Variants in GLE1 observed in about 807,000 individuals in gnomAD.
GLE1 encodes the protein GLE1 RNA export mediator.
A neutral mutation model predicts 97.3 loss-of-function variants in GLE1; 78 were observed. That is an observed-to-expected ratio of 0.80 (90% CI 0.67 to 0.97). GLE1 has a LOEUF of 0.97. GLE1 is among the 50% of genes least tolerant of loss of function. The probability of loss-of-function intolerance (pLI) is 0.00; values close to 1 mark genes in which losing one functional copy is unlikely to be tolerated. For synonymous variants in GLE1, 302 were observed against 313.4 expected (o/e 0.96, Z 0.39); for missense variants, 753 against 857.5 (o/e 0.88, Z 1.52).
At chr9:128,532,799 T>C (rs1422725769) in intron 9 of GLE1, 10 of 215,398 alleles carry the variant, frequency 4.6e-5, no homozygotes, top group African/African-American at 2.1e-4. Context: ...CTAATCTAAC[T>C]GTAGCTAGTG....
Position 128,541,647 on chromosome 9 carries a change from C to A in GLE1, c.*477C>A. The A allele has an allele frequency of 5.9e-6, 1 of 169,766 alleles. No homozygotes were observed. The highest frequency in any genetic ancestry group is 1.3e-5 in the Non-Finnish European group (1 of 77,816). The allele number at this position is 169,766 out of a possible 1,614,324, so 10.5% of individuals were successfully genotyped here. On this transcript the variant is annotated 3_prime_UTR_variant, in exon 16 of 16. Transcript: ENST00000309971. Reference sequence around the variant, plus strand: ...ATAGTTGAGGCCAGATACTTACATGCAAGTCTGGGTTATGGTTGTTTTGCC... The same window carrying A: ...ATAGTTGAGGCCAGATACTTACATGAAAGTCTGGGTTATGGTTGTTTTGCC...
chr9:128,539,874 T>C, intron 14 of GLE1, 176 bp downstream of exon 14: 2 of 1,503,626 alleles, frequency 1.3e-6, no homozygotes, highest in Non-Finnish European at 1.8e-6. Context: ...CTTTTGAACC[T>C]TAATGAGAGT....
Position 128,532,845 on chromosome 9 carries a change from T to A in GLE1, c.1313-668T>A, listed in dbSNP as rs989646837. 2.6e-5 allele frequency among the ~76,000 whole-genome samples: 4 copies of A among 152,280 alleles called. No individual in the cohort carries two copies. In the South Asian group the frequency reaches 6.2e-4, roughly 24 times the overall value. On this transcript the variant is annotated intron_variant, in intron 9 of 15. Transcript: ENST00000309971. The stretch of plus-strand genomic sequence containing the variant: ...GCACACAAAATCTTTGGTACAAATA[T>A]AGCTGTTACGAATCCACTTCTGTGT...
chr9:128,506,079 C>T (rs896435919), intron 1 of GLE1, among the ~76,000 whole-genome samples: 2 of 152,134 alleles, frequency 1.3e-5, no homozygotes, highest in African/African-American at 4.8e-5. Context: ...GGCGTGGTGG[C>T]TCAGGCCCGT....
chr9:128,510,515 C>T (rs991419393), intron 2 of GLE1, among the ~76,000 whole-genome samples: 1 of 141,628 alleles, frequency 7.1e-6, no homozygotes, highest in Non-Finnish European at 1.5e-5. Context: ...GTGTGAACCA[C>T]CACACCCAGG....
rs1331730707 is a variant in GLE1 at position 128,536,412 on chromosome 9, A to C, written c.1704A>C (p.Lys568Asn). The C allele has an allele frequency of 6.2e-7, 1 of 1,613,820 alleles. No individual in the cohort carries two copies. The highest frequency in any genetic ancestry group is 8.5e-7 in the Non-Finnish European group (1 of 1,179,930). ...SKVEQQDNFL[K>N]RMSGMIRLYA... ...TGGAGCAGCAAGACAACTTTCTAAA[A>C]CGCATGTCAGGGATGATCCGTCTCT... The change falls in exon 12 of 16, where the codon AAA (lysine) becomes AAC (asparagine). Residue 568 changes from lysine (K) to asparagine (N), a missense_variant. Lys to Asn is a moderately conservative substitution (Grantham distance 94). Transcript: ENST00000309971.
At chr9:128,535,355 T>C (rs1847669580) in intron 11 of GLE1, among the ~76,000 whole-genome samples, 2 of 151,546 alleles carry the variant, frequency 1.3e-5, no homozygotes, top group Admixed American at 6.6e-5. Flanking sequence ...AACCCGTTTC[T>C]ACTAAAAATA....
At chr9:128,540,498 A>T (rs1847854159) in intron 15 of GLE1, 160 bp downstream of exon 15, 1 of 670,920 alleles carries the variant, frequency 1.5e-6, no homozygotes, top group Non-Finnish European at 2.7e-6. Flanking sequence ...CTTTGGAGTA[A>T]GGGCTGCCAT....
At chr9:128,540,873 G>A in intron 15 of GLE1, 2 of 561,752 alleles carry the variant, frequency 3.6e-6, no homozygotes, top group Non-Finnish European at 6.4e-6. Flanking sequence ...AGCCTGTAGG[G>A]AGACAAGAGT....
intron 3 of GLE1, among the ~76,000 whole-genome samples, chr9:128,521,294 G>A (rs931255251): frequency 1.3e-5 from 2 of 152,116 alleles, no homozygotes; most frequent in Admixed American, 6.6e-5. Context: ...AGCAGTTTGG[G>A]AGGCCAAAGT....
intron 15 of GLE1, chr9:128,540,567 G>A (rs986157955): frequency 5.4e-6 from 3 of 553,110 alleles, no homozygotes; most frequent in East Asian, 3.1e-5. Flanking sequence ...ATGCTGAGAT[G>A]AGTAAAATAT....
intron 11 of GLE1, 42 bp from the exon 12 acceptor site, chr9:128,536,313 C>A (rs778472219): frequency 1.9e-6 from 3 of 1,580,190 alleles, no homozygotes; most frequent in Non-Finnish European, 2.6e-6. Flanking sequence ...GGATTACAAG[C>A]GTGAGCCACC....
chr9:128,522,379 G>A (rs533725212), intron 3 of GLE1, among the ~76,000 whole-genome samples: 3 of 152,266 alleles, frequency 2.0e-5, no homozygotes, highest in Admixed American at 6.5e-5. Context: ...ATTTTCGGCC[G>A]GGCGAGGTGG....
At chr9:128,520,370 GTATATATGTA>G (rs1239487477) in intron 3 of GLE1, among the ~76,000 whole-genome samples, 4 of 147,720 alleles carry the variant, frequency 2.7e-5, no homozygotes, top group Admixed American at 1.4e-4. Flanking sequence ...GTGTATATAT[GTATATATGTA>G]TATGTGTATA....
intron 2 of GLE1, among the ~76,000 whole-genome samples, chr9:128,511,120 C>G (rs1309143453): frequency 6.6e-6 from 1 of 151,394 alleles, no homozygotes; most frequent in Non-Finnish European, 1.5e-5. Context: ...ACTAGAATTG[C>G]TTGAACCCGG....
At chr9:128,538,240 G>A in intron 13 of GLE1, 150 bp downstream of exon 13, 1 of 682,434 alleles carries the variant, frequency 1.5e-6, no homozygotes, top group South Asian at 1.5e-5. Flanking sequence ...CCAAGCTGTA[G>A]ACCAACCTTG....
intron 5 of GLE1, 98 bp from the exon 6 acceptor site, chr9:128,523,494 C>T: frequency 6.7e-7 from 1 of 1,491,886 alleles, no homozygotes; most frequent in Non-Finnish European, 9.3e-7. Flanking sequence ...GCTCTGAGCC[C>T]ATCTGTGAAA....
At chr9:128,514,017 C>CAAAAA (rs35379717) in intron 2 of GLE1, among the ~76,000 whole-genome samples, 2 of 95,792 alleles carry the variant, frequency 2.1e-5, no homozygotes, top group Non-Finnish European at 4.5e-5. Flanking sequence ...GACTCCATCT[C>CAAAAA]AAAAAAAAAA....
rs911496393 is a variant in GLE1, at chr9:128,534,778, G to C, written c.1646+827G>C. Among the ~76,000 whole-genome samples, 4 of 151,800 alleles carry C rather than the reference G, an allele frequency of 2.6e-5. No homozygotes were observed. The East Asian group carries it at 7.8e-4, about 29-fold the overall frequency. ...TTGTCACCCAGGCTGGAGTGCAGTGGCGTGATCTCAGCTCACTGCAACCTC... is the reference window on the plus strand; with the variant it reads ...TTGTCACCCAGGCTGGAGTGCAGTGCCGTGATCTCAGCTCACTGCAACCTC... On this transcript the variant is annotated intron_variant, in intron 11 of 15. Transcript: ENST00000309971.
Sources: allele counts gnomAD v4.1 joint callset (sites outside exome capture counted in the v4.1 genomes callset), GRCh38; gene constraint gnomAD v4.1.1; transcripts MANE v1.5; gene names NCBI Gene and HGNC (gene_info 2026-07-23, HGNC 2026-07-21).